RNF157: variants seen among roughly 807,000 people sequenced by gnomAD.
RNF157 encodes the protein ring finger protein 157.
A neutral mutation model predicts 88.3 loss-of-function variants in RNF157; 55 were observed. The ratio of observed to expected loss-of-function variants is 0.62; its 90% CI spans 0.50 to 0.78. RNF157 has a LOEUF of 0.78. RNF157 is among the 30% of genes least tolerant of loss of function. RNF157 has a pLI of 0.00. For missense variants in RNF157, 788 were observed against 860.8 expected (o/e 0.92, Z 1.06); for synonymous variants, 334 against 341.2 (o/e 0.98, Z 0.23).
chr17:76,232,757 C>T (rs745600111), intron 1 of RNF157, among the ~76,000 whole-genome samples: 3 of 152,190 alleles, frequency 2.0e-5, no homozygotes, highest in Non-Finnish European at 2.9e-5. Flanking sequence ...ACATTTGACA[C>T]TGTCTGCCTT....
In RNF157 at chr17:76,156,313, A is replaced by T; in HGVS notation, c.1422T>A (p.Gly474=). 1 of 1,614,036 alleles carries T rather than the reference A, an allele frequency of 6.2e-7. No individual in the cohort carries two copies. The highest frequency in any genetic ancestry group is 8.5e-7 in the Non-Finnish European group (1 of 1,179,980). ...TGAGATTCTCACTTTCTGGAGTCAC[A>T]CCACATTCCTGGGGGTTGTGGGGGG... The part of the protein sequence containing the change: ...PSVQHLGEEC[G]VTPESENLTL... Residue 474 remains glycine, a synonymous_variant, in exon 14 of 19, where the codon GGT becomes GGA. Coordinates refer to ENST00000269391, the MANE Select transcript of RNF157 (RefSeq NM_052916.3).
At chr17:76,168,846 A>G (rs917430493) in intron 3 of RNF157, among the ~76,000 whole-genome samples, 4 of 152,240 alleles carry the variant, frequency 2.6e-5, no homozygotes. Flanking sequence ...AGTTTGGCTG[A>G]GCAAAGTATT....
intron 1 of RNF157, among the ~76,000 whole-genome samples, chr17:76,228,914 A>C (rs1460586296): frequency 6.6e-6 from 1 of 151,090 alleles, no homozygotes; most frequent in Non-Finnish European, 1.5e-5. Context: ...ACAGAGTGAG[A>C]CTCCATTTCA....
At chr17:76,164,659 T>TA (rs1316810758) in intron 8 of RNF157, 89 bp downstream of exon 8, 2 of 649,886 alleles carry the variant, frequency 3.1e-6, no homozygotes, top group African/African-American at 2.2e-5. Flanking sequence ...AAAACAAAAA[T>TA]AAAAAAAGAG....
rs370280736 is a variant in RNF157, at chr17:76,183,530, T to C, written c.208-9740A>G. Reference sequence around the variant, plus strand: ...ATGCAGTGGCTATTCACTGTGACCATAGTGCACTACAGCCTTGAACTACTG... The same window carrying C: ...ATGCAGTGGCTATTCACTGTGACCACAGTGCACTACAGCCTTGAACTACTG... On this transcript the variant is annotated intron_variant, in intron 2 of 18. Coordinates refer to ENST00000269391, the MANE Select transcript of RNF157 (RefSeq NM_052916.3). Among the ~76,000 whole-genome samples the C allele has an allele frequency of 2.1e-4, 32 of 152,110 alleles. No homozygotes were observed. The South Asian group carries it at 6.2e-3, about 30-fold the overall frequency.
chr17:76,178,824 T>A (rs779072833), intron 2 of RNF157, among the ~76,000 whole-genome samples: 76 of 152,144 alleles, frequency 5.0e-4, no homozygotes, highest in Non-Finnish European at 9.4e-4. Context: ...TATTTTTCTC[T>A]CTTTTTTTTT....
At position 76,172,607 on chromosome 17, in the gene RNF157, C is replaced by CAAAA. The variant is rs35297368; in HGVS notation, c.296+1091_296+1094dup. Among the ~76,000 whole-genome samples, 18 of 31,712 alleles carry CAAAA rather than the reference C, an allele frequency of 5.7e-4. 1 individual carries two copies. The highest frequency in any genetic ancestry group is 2.1e-3 in the African/African-American group (17 of 8,082). 20.8% of individuals were successfully genotyped at this position (31,712 alleles called of 152,430 possible). On this transcript the variant is annotated intron_variant, in intron 3 of 18. Transcript: ENST00000269391. ...GGGCAACAAGAGCAAAACTCCATCT[C>CAAAA]AAAAAAAAAAAAAAAAAAAAAAAAA...
In RNF157 at chr17:76,146,613, C is replaced by T. The variant is rs142464731; in HGVS notation, c.1922-1260G>A. 2 of 985,472 alleles carry T rather than the reference C, an allele frequency of 2.0e-6. No homozygotes were observed. Among genetic ancestry groups the T allele is most frequent in the African/African-American group, 3.5e-5 (2 of 57,364 alleles). The allele number at this position is 985,472 out of a possible 1,614,324, so 61.0% of individuals were successfully genotyped here. The stretch of plus-strand genomic sequence containing the variant: ...GCCTCCCCTCACGAGGCATCTCTGG[C>T]CGGGGGAGGCCCAGTGTGCTCCTAA... On this transcript the variant is annotated intron_variant, in intron 18 of 18. Coordinates refer to ENST00000269391, the MANE Select transcript of RNF157 (RefSeq NM_052916.3). The surrounding 1 kb of genome is among the most constrained non-coding windows in gnomAD (Gnocchi z 4.2).
chr17:76,176,037 C>T lies in RNF157; in HGVS notation c.208-2247G>A, dbSNP rs1270901366. Among the ~76,000 whole-genome samples, 1 of 152,180 alleles carries T rather than the reference C, an allele frequency of 6.6e-6. No homozygotes were observed. Among genetic ancestry groups the T allele is most frequent in the Non-Finnish European group, 1.5e-5 (1 of 68,036 alleles). ...ACAAGACAACAACGGCAAATCTGTT[C>T]AGGAGAAGCTTGTTCGTGGGCTGCT... On this transcript the variant is annotated intron_variant, in intron 2 of 18. Transcript: ENST00000269391. The surrounding 1 kb of genome is among the most constrained non-coding windows in gnomAD (Gnocchi z 4.2).
In RNF157 at chr17:76,238,431, G is replaced by A. The variant is rs147385318; in HGVS notation, c.88+1722C>T. 4.0e-4 allele frequency among the ~76,000 whole-genome samples: 61 copies of A among 152,266 alleles called. 1 individual carries two copies. The highest frequency in any genetic ancestry group is 1.4e-3 in the African/African-American group (57 of 41,532). ...TTAAACTTTTAAAACTGGTAGAGAG[G>A]AGAGGATTATTTATTGAGTGTGCTA... On this transcript the variant is annotated intron_variant, in intron 1 of 18. Transcript: ENST00000269391.
chr17:76,201,930 C>T (rs1425844686), intron 2 of RNF157, among the ~76,000 whole-genome samples: 1 of 151,988 alleles, frequency 6.6e-6, no homozygotes, highest in Non-Finnish European at 1.5e-5. Flanking sequence ...ATTTCACACT[C>T]TTCAAAATAT....
chr17:76,187,697 G>A (rs577789965), intron 2 of RNF157, among the ~76,000 whole-genome samples: 8 of 151,416 alleles, frequency 5.3e-5, no homozygotes, highest in African/African-American at 1.2e-4. Context: ...GGGTTCAAGC[G>A]ACTCTCCTGC....
intron 2 of RNF157, among the ~76,000 whole-genome samples, chr17:76,189,802 C>G (rs577353902): frequency 1.3e-4 from 19 of 150,784 alleles, no homozygotes; most frequent in African/African-American, 4.4e-4. Flanking sequence ...TACTGCCCAG[C>G]TGGTTCTGGG....
intron 2 of RNF157, among the ~76,000 whole-genome samples, chr17:76,206,348 G>C (rs1219502841): frequency 6.6e-6 from 1 of 152,142 alleles, no homozygotes; most frequent in East Asian, 1.9e-4. Flanking sequence ...CTCAATAAAG[G>C]AGCAGAAAAG....
At chr17:76,231,739 CCT>C (rs1388426088) in intron 1 of RNF157, among the ~76,000 whole-genome samples, 1 of 152,194 alleles carries the variant, frequency 6.6e-6, no homozygotes, top group Admixed American at 6.5e-5. Context: ...GGCACAAACC[CCT>C]CTGTGCTGTT....
At chr17:76,156,427 G>T in intron 13 of RNF157, 106 bp from the exon 14 acceptor site, 1 of 1,538,260 alleles carries the variant, frequency 6.5e-7, no homozygotes. Context: ...GAGGAAAGGC[G>T]ACACTGGGAG....
At chr17:76,210,601 A>AAAAAAAAAAAGAAAG (rs777083177) in intron 2 of RNF157, among the ~76,000 whole-genome samples, 1 of 148,416 alleles carries the variant, frequency 6.7e-6, no homozygotes, top group Non-Finnish European at 1.5e-5. Flanking sequence ...AAAAAAAAAA[A>AAAAAAAAAAAGAAAG]AAAGAAAGAA....
chr17:76,219,913 C>A (rs1453214615), intron 1 of RNF157, among the ~76,000 whole-genome samples: 2 of 151,684 alleles, frequency 1.3e-5, no homozygotes, highest in East Asian at 3.9e-4. Flanking sequence ...TCATACCTAG[C>A]GTATTGAGAA....
chr17:76,145,620 T>C, intron 18 of RNF157: 1 of 403,784 alleles, frequency 2.5e-6, no homozygotes, highest in Non-Finnish European at 4.4e-6. Context: ...AGATGTTCCT[T>C]GTTTTGCGAA....
Sources: allele counts gnomAD v4.1 joint callset (sites outside exome capture counted in the v4.1 genomes callset), GRCh38; gene constraint gnomAD v4.1.1; non-coding constraint Gnocchi (gnomAD v3.1); transcripts MANE v1.5; gene names NCBI Gene and HGNC (gene_info 2026-07-23, HGNC 2026-07-21).